RUNX1: variants seen among roughly 807,000 people sequenced by gnomAD.
RUNX1 encodes the protein RUNX family transcription factor 1.
Under a neutral mutation model 42.8 loss-of-function variants are expected in RUNX1, and 19 were observed. The observed-to-expected ratio is 0.44, with a 90% CI of 0.31 to 0.65. The LOEUF (loss-of-function observed/expected upper bound fraction) is 0.65. RUNX1 is among the 30% of genes least tolerant of loss of function. RUNX1 has a pLI of 0.07. For missense variants in RUNX1, 528 were observed against 672.0 expected (o/e 0.79, Z 2.37); for synonymous variants, 271 against 289.4 (o/e 0.94, Z 0.64).
chr21:34,919,975 C>T (rs1226654347), intron 2 of RUNX1, among the ~76,000 whole-genome samples: 3 of 152,194 alleles, frequency 2.0e-5, no homozygotes, highest in Non-Finnish European at 2.9e-5. Flanking sequence ...GGTACTTGGA[C>T]TTGGGCAGTG....
intron 7 of RUNX1, among the ~76,000 whole-genome samples, chr21:34,823,429 G>GTTTTTTTTT (rs1569027248): frequency 5.0e-5 from 5 of 99,114 alleles, no homozygotes; most frequent in African/African-American, 2.1e-4. Flanking sequence ...ATTCCTGGTG[G>GTTTTTTTTT]GTTTTTTTTT....
At chr21:35,025,479 A>G (rs1601686065) in intron 2 of RUNX1, among the ~76,000 whole-genome samples, 1 of 152,196 alleles carries the variant, frequency 6.6e-6, no homozygotes, top group East Asian at 1.9e-4. Flanking sequence ...CAGGCTATGC[A>G]CGTGGCTATT....
At chr21:34,971,975 A>C (rs947340610) in intron 2 of RUNX1, among the ~76,000 whole-genome samples, 1 of 152,188 alleles carries the variant, frequency 6.6e-6, no homozygotes, top group Non-Finnish European at 1.5e-5. Context: ...GTTATAACTG[A>C]TCTCTTAGAG....
intron 6 of RUNX1, chr21:34,856,254 C>A (rs2057493731): frequency 1.5e-5 from 7 of 453,984 alleles, no homozygotes; most frequent in South Asian, 1.1e-4. Context: ...TTTGTCCCTC[C>A]AAATGCCAGA....
At chr21:34,863,796 C>A (rs111752165) in intron 5 of RUNX1, among the ~76,000 whole-genome samples, 3,995 of 151,996 alleles carry the variant, frequency 0.026, 169 homozygotes, top group African/African-American at 0.093. Flanking sequence ...CATTGTGATC[C>A]GCCCACCTTG....
chr21:34,973,015 T>C (rs549635202), intron 2 of RUNX1, among the ~76,000 whole-genome samples: 39 of 152,332 alleles, frequency 2.6e-4, no homozygotes, highest in African/African-American at 8.7e-4. Context: ...AGAGCTCTTG[T>C]TGTGTACTTC....
In RUNX1 at chr21:35,009,210, T is replaced by C. The variant is rs529333776; in HGVS notation, c.58+39632A>G. ...TCACAAATGTTGTTGGTAAAACAACTGTTAGCATTTGATGCGAGGATAAAA... is the reference window on the plus strand; with the variant it reads ...TCACAAATGTTGTTGGTAAAACAACCGTTAGCATTTGATGCGAGGATAAAA... On this transcript the variant is annotated intron_variant, in intron 2 of 8. Coordinates refer to ENST00000675419, the MANE Select transcript of RUNX1 (RefSeq NM_001754.5). Among the ~76,000 whole-genome samples the C allele has an allele frequency of 2.6e-5, 4 of 152,350 alleles. No homozygotes were observed. The East Asian group carries it at 7.7e-4, about 29-fold the overall frequency.
rs141364308 is a variant in RUNX1, at chr21:34,802,578, G to C, written c.806-3116C>G. On this transcript the variant is annotated intron_variant, in intron 7 of 8. Coordinates refer to ENST00000675419, the MANE Select transcript of RUNX1 (RefSeq NM_001754.5). The stretch of plus-strand genomic sequence containing the variant: ...GGGCCACTGTTTTGGGGACTCACTA[G>C]TGAATGGAAGGTTCCTGCCTTCTGG... Among the ~76,000 whole-genome samples, 421 of 152,334 alleles carry C rather than the reference G, an allele frequency of 2.8e-3. 1 individual carries two copies. Among genetic ancestry groups the C allele is most frequent in the African/African-American group, 9.5e-3 (396 of 41,558 alleles).
At chr21:34,963,739 G>A (rs1034961366) in intron 2 of RUNX1, among the ~76,000 whole-genome samples, 2 of 152,120 alleles carry the variant, frequency 1.3e-5, no homozygotes, top group East Asian at 1.9e-4. Context: ...TGAATCAATG[G>A]GGCATTATTC....
intron 6 of RUNX1, among the ~76,000 whole-genome samples, chr21:34,841,263 A>G (rs2057230951): frequency 6.6e-6 from 1 of 151,994 alleles, no homozygotes; most frequent in Non-Finnish European, 1.5e-5. Context: ...GAATCCTGGC[A>G]AGTCCCCTAG....
intron 2 of RUNX1, among the ~76,000 whole-genome samples, chr21:35,041,680 C>T (rs2059360564): frequency 3.1e-5 from 4 of 128,548 alleles, no homozygotes; most frequent in Admixed American, 8.1e-5. Context: ...TTTTTTTTAA[C>T]GAAGCAATGA....
chr21:34,865,956 G>T (rs1315159911), intron 5 of RUNX1, among the ~76,000 whole-genome samples: 3 of 152,162 alleles, frequency 2.0e-5, no homozygotes, highest in Admixed American at 2.0e-4. Context: ...ATAACACCCC[G>T]TGTCTGACGG....
chr21:34,842,365 C>T (rs1356378531), intron 6 of RUNX1, among the ~76,000 whole-genome samples: 1 of 151,556 alleles, frequency 6.6e-6, no homozygotes, highest in African/African-American at 2.4e-5. Flanking sequence ...CATGGTGGCG[C>T]GCACCTGTAG....
intron 2 of RUNX1, among the ~76,000 whole-genome samples, chr21:34,972,527 C>T (rs1003302201): frequency 3.9e-5 from 6 of 152,120 alleles, no homozygotes; most frequent in African/African-American, 1.4e-4. Flanking sequence ...GCAATTTTTG[C>T]TTTGTGCTTT....
In RUNX1 at chr21:34,993,007, C is replaced by T. The variant is rs370990791; in HGVS notation, c.58+55835G>A. On this transcript the variant is annotated intron_variant, in intron 2 of 8. Coordinates refer to ENST00000675419, the MANE Select transcript of RUNX1 (RefSeq NM_001754.5). ...TAGGCAGAGCTGCCAGCAGGGTGGACGGTTCCCTGAAAGGACCACTCTCTT... is the reference window on the plus strand; with the variant it reads ...TAGGCAGAGCTGCCAGCAGGGTGGATGGTTCCCTGAAAGGACCACTCTCTT... Among the ~76,000 whole-genome samples, 112 of 152,330 alleles carry T rather than the reference C, an allele frequency of 7.4e-4. No individual in the cohort carries two copies. The South Asian group carries it at 0.013, about 18-fold the overall frequency.
chr21:35,048,723 A>T (rs1437697399), intron 2 of RUNX1, 119 bp downstream of exon 2: 6 of 845,646 alleles, frequency 7.1e-6, no homozygotes, highest in Non-Finnish European at 1.2e-5. Flanking sequence ...TTCCTCTCAC[A>T]AACAAGACAG....
chr21:34,878,225 T>C (rs2057843309), intron 5 of RUNX1, among the ~76,000 whole-genome samples: 1 of 150,940 alleles, frequency 6.6e-6, no homozygotes, highest in Non-Finnish European at 1.5e-5. Flanking sequence ...TGGCAGGCTT[T>C]GGTGTTGACA....
At chr21:34,852,060 C>A (rs571857923) in intron 6 of RUNX1, among the ~76,000 whole-genome samples, 2 of 152,166 alleles carry the variant, frequency 1.3e-5, no homozygotes, top group South Asian at 2.1e-4. Flanking sequence ...CCCAGCTACT[C>A]GGGAGGCTGA....
chr21:34,902,838 C>T (rs1036180013), intron 2 of RUNX1, among the ~76,000 whole-genome samples: 1 of 152,158 alleles, frequency 6.6e-6, no homozygotes, highest in Non-Finnish European at 1.5e-5. Context: ...TATGCAAATG[C>T]CACTTGGAAT....
Sources: gnomAD v4.1 joint callset for allele counts (sites outside exome capture counted in the v4.1 genomes callset) on GRCh38, gnomAD v4.1.1 for gene constraint, MANE v1.5 for transcripts, NCBI Gene and HGNC (gene_info 2026-07-23, HGNC 2026-07-21) for gene names.